Variants in TBC1D2 observed in about 807,000 individuals in gnomAD.
The protein encoded by TBC1D2 is TBC1 domain family member 2A.
Under a neutral mutation model 91.1 loss-of-function variants are expected in TBC1D2, and 58 were observed. The ratio of observed to expected loss-of-function variants is 0.64; its 90% CI spans 0.52 to 0.79. The LOEUF is 0.79. TBC1D2 is among the 30% of genes least tolerant of loss of function. The probability of loss-of-function intolerance (pLI) is 0.00; values close to 1 mark genes in which losing one functional copy is unlikely to be tolerated. For missense variants in TBC1D2, 1,080 were observed against 1,208.3 expected (o/e 0.89, Z 1.57); for synonymous variants, 482 against 511.5 (o/e 0.94, Z 0.78).
At chr9:98,254,012 T>C (rs1418173394) in intron 1 of TBC1D2, among the ~76,000 whole-genome samples, 1 of 152,212 alleles carries the variant, frequency 6.6e-6, no homozygotes, top group Non-Finnish European at 1.5e-5. Context: ...GGGAACCACA[T>C]GACCTCGAAA....
chr9:98,236,964 T>C (rs765363919), intron 3 of TBC1D2, among the ~76,000 whole-genome samples: 1 of 151,438 alleles, frequency 6.6e-6, no homozygotes, highest in Non-Finnish European at 1.5e-5. Context: ...ATACTTTTCA[T>C]GGGGTTGGGA....
chr9:98,225,072 T>G (rs1490761601), intron 5 of TBC1D2, among the ~76,000 whole-genome samples: 1 of 152,172 alleles, frequency 6.6e-6, no homozygotes, highest in East Asian at 1.9e-4. Flanking sequence ...CCACTGAGTT[T>G]CCTAAAAAAT....
At chr9:98,210,886 G>A (rs915345761) in intron 7 of TBC1D2, 43 bp from the exon 8 acceptor site, 1 of 1,476,434 alleles carries the variant, frequency 6.8e-7, no homozygotes, top group African/African-American at 1.6e-5. Flanking sequence ...GGTGGGAGCT[G>A]GGCCGCCCCA....
intron 6 of TBC1D2, among the ~76,000 whole-genome samples, chr9:98,219,196 A>G (rs1248704539): frequency 1.3e-5 from 2 of 152,244 alleles, no homozygotes; most frequent in African/African-American, 4.8e-5. Context: ...AGCCCTAGTC[A>G]AGAGGACTAG....
chr9:98,235,587 CA>C, intron 3 of TBC1D2: 1 of 446,650 alleles, frequency 2.2e-6, no homozygotes, highest in Non-Finnish European at 4.4e-6. Flanking sequence ...TGAAGTCTTC[CA>C]ATCCTTCTCA....
Position 98,252,000 on chromosome 9 carries a change from T to C in TBC1D2, c.370-74A>G, listed in dbSNP as rs537309647. The C allele has an allele frequency of 5.2e-6, 8 of 1,525,112 alleles. No homozygotes were observed. In the Admixed American group the frequency reaches 1.2e-4, roughly 22 times the overall value. The allele number at this position is 1,525,112 out of a possible 1,614,324, so 94.5% of individuals were successfully genotyped here. Reference sequence around the variant, plus strand: ...CACTGGGTGCAGGAAGAGGGGAAGGTTGTGGGAGGCTTAGGAATGCTTTCT... The same window carrying C: ...CACTGGGTGCAGGAAGAGGGGAAGGCTGTGGGAGGCTTAGGAATGCTTTCT... On this transcript the variant is annotated intron_variant, in intron 1 of 12. Transcript: ENST00000465784.
chr9:98,229,733 A>G (rs1829322808), intron 4 of TBC1D2, among the ~76,000 whole-genome samples: 2 of 152,250 alleles, frequency 1.3e-5, no homozygotes, highest in African/African-American at 4.8e-5. Flanking sequence ...GATTGTCTCA[A>G]GGATGCATAG....
chr9:98,214,894 G>A (rs1377263769), intron 6 of TBC1D2, among the ~76,000 whole-genome samples: 5 of 152,148 alleles, frequency 3.3e-5, no homozygotes, highest in Admixed American at 1.3e-4. Flanking sequence ...CACTCCACGG[G>A]GGCTCTCTGT....
intron 9 of TBC1D2, 105 bp from the exon 10 acceptor site, chr9:98,203,513 G>A: frequency 6.7e-7 from 1 of 1,491,026 alleles, no homozygotes; most frequent in Non-Finnish European, 9.1e-7. Flanking sequence ...GTCCTTCCAT[G>A]TGAGCATCAG....
chr9:98,212,982 C>T, intron 7 of TBC1D2, 126 bp downstream of exon 7: 1 of 1,029,770 alleles, frequency 9.7e-7, no homozygotes. Flanking sequence ...GGGCCCTGCT[C>T]ACAAGGGGTC....
intron 2 of TBC1D2, among the ~76,000 whole-genome samples, chr9:98,246,846 G>A (rs533348399): frequency 5.3e-4 from 80 of 152,190 alleles, no homozygotes; most frequent in Non-Finnish European, 9.7e-4. Context: ...TGGGAAGATG[G>A]GGTGGGGAAG....
chr9:98,215,345 C>T (rs1002927082), intron 6 of TBC1D2, among the ~76,000 whole-genome samples: 6 of 152,184 alleles, frequency 3.9e-5, no homozygotes, highest in Non-Finnish European at 2.9e-5. Context: ...ACCCCCATCA[C>T]CAACACCACG....
At chr9:98,218,839 C>T (rs993294962) in intron 6 of TBC1D2, among the ~76,000 whole-genome samples, 13 of 152,128 alleles carry the variant, frequency 8.5e-5, no homozygotes, top group South Asian at 8.3e-4. Context: ...CACAGGCGTG[C>T]GCCACCACAA....
At position 98,199,144 on chromosome 9, in the gene TBC1D2, A is replaced by G. The variant is rs1828412457; in HGVS notation, c.*237T>C. 1.7e-6 allele frequency: 1 copy of G among 597,936 alleles called. No individual in the cohort carries two copies. Among genetic ancestry groups the G allele is most frequent in the Non-Finnish European group, 3.0e-6 (1 of 335,214 alleles). 37.0% of individuals were successfully genotyped at this position (597,936 alleles called of 1,614,324 possible). A position where few individuals can be genotyped will look rare whatever the true frequency, so the allele number is the denominator to read the frequency against. ...TACATGCCAAAGTGCTCTGTGGAAG[A>G]GGTGACGAAAGGGTGGCATCCCTGG... On this transcript the variant is annotated 3_prime_UTR_variant, in exon 13 of 13. Coordinates refer to ENST00000465784, the MANE Select transcript of TBC1D2 (RefSeq NM_001267571.2).
intron 5 of TBC1D2, among the ~76,000 whole-genome samples, chr9:98,224,090 C>A (rs1448130564): frequency 6.6e-6 from 1 of 151,672 alleles, no homozygotes; most frequent in East Asian, 1.9e-4. Context: ...GTCCCAGCTA[C>A]TCAGGAGGCT....
At chr9:98,252,619 C>T (rs1229953079) in intron 1 of TBC1D2, among the ~76,000 whole-genome samples, 4 of 152,308 alleles carry the variant, frequency 2.6e-5, no homozygotes, top group African/African-American at 9.6e-5. Context: ...GAGTGAGCAC[C>T]CCTTTCTACA....
intron 7 of TBC1D2, among the ~76,000 whole-genome samples, chr9:98,212,652 C>A (rs545247315): frequency 6.6e-6 from 1 of 152,312 alleles, no homozygotes; most frequent in East Asian, 1.9e-4. Context: ...CAGGCGCCCG[C>A]CACCATGCCC....
chr9:98,202,201 A>G (rs1308009150), intron 10 of TBC1D2, among the ~76,000 whole-genome samples: 4 of 152,134 alleles, frequency 2.6e-5, no homozygotes, highest in Non-Finnish European at 5.9e-5. Flanking sequence ...GACATCAAGG[A>G]ATCTTCTCAA....
At chr9:98,253,208 C>G (rs1829906930) in intron 1 of TBC1D2, among the ~76,000 whole-genome samples, 1 of 152,170 alleles carries the variant, frequency 6.6e-6, no homozygotes, top group African/African-American at 2.4e-5. Flanking sequence ...GAGTCTCCTG[C>G]AGGGGACATG....
Sources: allele counts gnomAD v4.1 joint callset (sites outside exome capture counted in the v4.1 genomes callset), GRCh38; gene constraint gnomAD v4.1.1; transcripts MANE v1.5; gene names NCBI Gene and HGNC (gene_info 2026-07-23, HGNC 2026-07-21).